GPR137B: variants seen among roughly 807,000 people sequenced by gnomAD.
The protein encoded by GPR137B is G protein-coupled receptor 137B, also known as integral membrane protein GPR137B.
In GPR137B, 42 loss-of-function variants were observed where a neutral mutation model predicts 42.5. The observed-to-expected ratio is 0.99, with a 90% CI of 0.77 to 1.28. The LOEUF is 1.28. GPR137B is among the 50% of genes most tolerant of loss of function. The pLI is 0.00. For missense variants in GPR137B, 487 were observed against 493.9 expected (o/e 0.99, Z 0.13); for synonymous variants, 218 against 209.7 (o/e 1.04, Z -0.34).
At chr1:236,153,193 A>G (rs1006753153) in intron 1 of GPR137B, among the ~76,000 whole-genome samples, 2 of 152,344 alleles carry the variant, frequency 1.3e-5, no homozygotes, top group East Asian at 1.9e-4. Context: ...CATTCACAGT[A>G]TTGCGCAGCT....
intron 2 of GPR137B, among the ~76,000 whole-genome samples, chr1:236,172,863 T>A (rs539501542): frequency 2.3e-4 from 33 of 146,244 alleles, no homozygotes; most frequent in Non-Finnish European, 3.2e-4. Flanking sequence ...TAAAAAAAAA[T>A]TTTTTTTTTT....
chr1:236,146,221 G>T (rs79676989), intron 1 of GPR137B, among the ~76,000 whole-genome samples: 7 of 152,164 alleles, frequency 4.6e-5, no homozygotes, highest in African/African-American at 1.7e-4. Context: ...TTCTCCTGGA[G>T]CGCAAAATCA....
chr1:236,180,832 G>T lies in GPR137B; in HGVS notation c.837+804G>T, dbSNP rs147847534. On this transcript the variant is annotated intron_variant, in intron 4 of 6. Coordinates refer to ENST00000366592, the MANE Select transcript of GPR137B (RefSeq NM_003272.4). ...GGGGTTTCACCATGTTGGCCAGGCT[G>T]GTCTCGAACTCCTACCTCAGGTGAT... 4.0e-3 allele frequency among the ~76,000 whole-genome samples: 601 copies of T among 152,078 alleles called. 5 individuals are homozygous for T. Among genetic ancestry groups the T allele is most frequent in the African/African-American group, 0.014 (572 of 41,488 alleles).
At chr1:236,166,311 G>A (rs1571975855) in intron 1 of GPR137B, among the ~76,000 whole-genome samples, 3 of 151,476 alleles carry the variant, frequency 2.0e-5, no homozygotes, top group African/African-American at 4.9e-5. Context: ...TTCTTTTTAC[G>A]GATGTCAGAG....
rs527975997 is a variant in GPR137B at position 236,205,153 on chromosome 1, G to A, written c.994G>A (p.Gly332Arg). ...CAACCCTGGAATGGTCCCCAGCCATGGATTCAGTCCCAGATCTTATTTCTT... is the reference window on the plus strand; with the variant it reads ...CAACCCTGGAATGGTCCCCAGCCATAGATTCAGTCCCAGATCTTATTTCTT... ...LTNPGMVPSH[G>R]FSPRSYFFDN... The change falls in exon 6 of 7, where the codon GGA becomes AGA. Residue 332 changes from glycine to arginine, a missense_variant. By Grantham distance (125) the Gly-to-Arg change is moderately radical. Transcript: ENST00000366592. 6.2e-7 allele frequency: 1 copy of A among 1,613,072 alleles called. No individual in the cohort carries two copies. Among genetic ancestry groups the A allele is most frequent in the East Asian group, 2.2e-5 (1 of 44,864 alleles).
chr1:236,199,558 T>C (rs551907989), intron 5 of GPR137B, among the ~76,000 whole-genome samples: 1 of 152,292 alleles, frequency 6.6e-6, no homozygotes, highest in East Asian at 1.9e-4. Flanking sequence ...TTTATTGCTG[T>C]TTCGATCTCG....
At chr1:236,169,216 A>C (rs12063870) in intron 2 of GPR137B, among the ~76,000 whole-genome samples, 1 of 131,420 alleles carries the variant, frequency 7.6e-6, no homozygotes, top group South Asian at 2.2e-4. Flanking sequence ...AGGTGCAGGT[A>C]CAGGTACAGG....
At chr1:236,177,999 C>CT (rs1288547581) in intron 2 of GPR137B, among the ~76,000 whole-genome samples, 1 of 152,098 alleles carries the variant, frequency 6.6e-6, no homozygotes, top group Non-Finnish European at 1.5e-5. Context: ...ATTATGTAGT[C>CT]TTATTTTCAA....
intron 2 of GPR137B, among the ~76,000 whole-genome samples, chr1:236,170,884 G>A (rs1361084839): frequency 6.6e-6 from 1 of 151,340 alleles, no homozygotes; most frequent in Non-Finnish European, 1.5e-5. Flanking sequence ...GCTGAGTTGG[G>A]AGAATCGCTT....
chr1:236,183,648 A>G lies in GPR137B; in HGVS notation c.838-130A>G, dbSNP rs964942180. The G allele has an allele frequency of 5.1e-6, 3 of 592,900 alleles. No homozygotes were observed. In the African/African-American group the frequency reaches 5.6e-5, roughly 11 times the overall value. The allele number at this position is 592,900 out of a possible 1,614,324, so 36.7% of individuals were successfully genotyped here. ...GTATTAATATAGTATATTCGGTAGT[A>G]CATTCTAAAATATAGGGGAATGAAT... On this transcript the variant is annotated intron_variant, in intron 4 of 6. Coordinates refer to ENST00000366592, the MANE Select transcript of GPR137B (RefSeq NM_003272.4).
At chr1:236,204,489 T>C (rs1663594462) in intron 5 of GPR137B, among the ~76,000 whole-genome samples, 1 of 152,186 alleles carries the variant, frequency 6.6e-6, no homozygotes, top group Admixed American at 6.5e-5. Flanking sequence ...CTTCTTTAAA[T>C]GTTTGGTAGA....
At chr1:236,159,136 C>A (rs1662113558) in intron 1 of GPR137B, among the ~76,000 whole-genome samples, 1 of 151,982 alleles carries the variant, frequency 6.6e-6, no homozygotes, top group Admixed American at 6.6e-5. Flanking sequence ...TGTAGGGAGA[C>A]ATCATCTCTA....
chr1:236,207,640 C>T (rs949224515), intron 6 of GPR137B, among the ~76,000 whole-genome samples: 26 of 152,176 alleles, frequency 1.7e-4, no homozygotes, highest in African/African-American at 5.8e-4. Context: ...ACTCAGTCCC[C>T]ACAATAGGCC....
intron 6 of GPR137B, among the ~76,000 whole-genome samples, 161 bp from the exon 7 acceptor site, chr1:236,207,877 CAGCCCTGTGTGT>C (rs1285144866): frequency 6.6e-6 from 1 of 152,216 alleles, no homozygotes; most frequent in South Asian, 2.1e-4. Flanking sequence ...GTGGGCATTT[CAGCCCTGTGTGT>C]AGCATGGTTT....
rs1199590009 is a variant in GPR137B, at chr1:236,179,864, C to T, written c.688-15C>T. The T allele has an allele frequency of 6.4e-7, 1 of 1,559,520 alleles. No individual in the cohort carries two copies. The highest frequency in any genetic ancestry group is 2.2e-5 in the East Asian group (1 of 44,480). ...GACCTGGAGTGTCCCATACCTTCTG[C>T]TCCCTCTTTTCCAGGGCTCCTCCGT... On this transcript the variant is annotated splice_polypyrimidine_tract_variant and intron_variant, in intron 3 of 6. Coordinates refer to ENST00000366592, the MANE Select transcript of GPR137B (RefSeq NM_003272.4).
At position 236,171,448 on chromosome 1, in the gene GPR137B, G is replaced by A. The variant is rs201733566; in HGVS notation, c.464+2693G>A. On this transcript the variant is annotated intron_variant, in intron 2 of 6. Coordinates refer to ENST00000366592, the MANE Select transcript of GPR137B (RefSeq NM_003272.4). This position sits in a 1 kb window ranked among gnomAD's most constrained non-coding sequence, Gnocchi z 4.4. ...GGAGAACATTCTGTCTGATCGGACC[G>A]TGGAACTGATTTTATCTTGGAAGCA... Among the ~76,000 whole-genome samples, 170 of 152,312 alleles carry A rather than the reference G, an allele frequency of 1.1e-3. 1 individual carries two copies. Among genetic ancestry groups the A allele is most frequent in the African/African-American group, 3.9e-3 (162 of 41,576 alleles).
At chr1:236,186,220 TATA>T (rs1341235938) in intron 5 of GPR137B, among the ~76,000 whole-genome samples, 1 of 48,654 alleles carries the variant, frequency 2.1e-5, no homozygotes, top group Non-Finnish European at 2.9e-5. Context: ...ATATATTATA[TATA>T]ATATAATATA....
At chr1:236,187,611 G>C (rs1663070614) in intron 5 of GPR137B, among the ~76,000 whole-genome samples, 1 of 152,088 alleles carries the variant, frequency 6.6e-6, no homozygotes, top group South Asian at 2.1e-4. Context: ...GCTTGTTTGT[G>C]TCAGGTTTGT....
chr1:236,167,486 T>C (rs1662395468), intron 1 of GPR137B, among the ~76,000 whole-genome samples: 1 of 152,094 alleles, frequency 6.6e-6, no homozygotes, highest in African/African-American at 2.4e-5. Flanking sequence ...AGTACAGTGG[T>C]ACAGTGGTGG....
Sources: allele counts gnomAD v4.1 joint callset (sites outside exome capture counted in the v4.1 genomes callset), GRCh38; gene constraint gnomAD v4.1.1; non-coding constraint Gnocchi (gnomAD v3.1); transcripts MANE v1.5; gene names NCBI Gene and HGNC (gene_info 2026-07-23, HGNC 2026-07-21).